Variants in SCAI observed in about 807,000 individuals in gnomAD.
SCAI encodes the protein suppressor of cancer cell invasion.
SCAI carries 24 observed loss-of-function variants against 92.2 expected under a neutral mutation model. That is an observed-to-expected ratio of 0.26 (90% CI 0.19 to 0.37). SCAI has a LOEUF of 0.37. SCAI is among the 10% of genes least tolerant of loss of function. The pLI, the probability that SCAI is intolerant of heterozygous loss-of-function variation, is 1.00. For synonymous variants in SCAI, 261 were observed against 258.6 expected (o/e 1.01, Z -0.09); for missense variants, 450 against 736.2 (o/e 0.61, Z 4.50).
At chr9:125,040,792 A>ATT (rs57170806) in intron 3 of SCAI, among the ~76,000 whole-genome samples, 52 of 142,860 alleles carry the variant, frequency 3.6e-4, no homozygotes, top group East Asian at 2.2e-3. Context: ...TGTCCAATTA[A>ATT]TTTTTTTTTT....
chr9:124,968,475 T>C, intron 17 of SCAI: 1 of 934,520 alleles, frequency 1.1e-6, no homozygotes, highest in Admixed American at 1.7e-5. Flanking sequence ...GATTTGCTTG[T>C]TTGGTGTCTG....
At chr9:124,970,598 T>C (rs112031341) in intron 17 of SCAI, among the ~76,000 whole-genome samples, 2,529 of 151,794 alleles carry the variant, frequency 0.017, 70 homozygotes, top group African/African-American at 0.059. Flanking sequence ...TGGGCGCCTA[T>C]AATCCCAGCT....
chr9:125,089,042 A>T (rs1371920521), intron 2 of SCAI, among the ~76,000 whole-genome samples: 1 of 152,228 alleles, frequency 6.6e-6, no homozygotes, highest in Non-Finnish European at 1.5e-5. Context: ...TAAGAAGCCC[A>T]GTGCTGATAT....
In SCAI at chr9:125,009,239, C is replaced by T. The variant is rs965119303; in HGVS notation, c.862-5669G>A. On this transcript the variant is annotated intron_variant, in intron 9 of 17. Transcript: ENST00000336505. Reference sequence around the variant, plus strand: ...TATGTAGAATAAAATTAAAGTAATGCTTAAAGAGAATTTTACAGCTTTGGA... The same window carrying T: ...TATGTAGAATAAAATTAAAGTAATGTTTAAAGAGAATTTTACAGCTTTGGA... 5.9e-5 allele frequency among the ~76,000 whole-genome samples: 9 copies of T among 152,114 alleles called. No homozygotes were observed. The South Asian group carries it at 1.0e-3, about 18-fold the overall frequency.
Position 125,003,479 on chromosome 9 carries a change from G to T in SCAI, c.953C>A (p.Pro318Gln), listed in dbSNP as rs1177518662. ...PMNLASQMNK[P>Q]GMQESADKPT... is the part of the protein sequence containing the mutation. ...AAAAGAGGAGATTACCTGCATTCCT[G>T]GTTTATTCATCTGGGAAGCTAAATT... is the stretch of plus-strand genomic sequence containing the variant. The change falls in exon 10 of 18, where the codon CCA (proline) becomes CAA (glutamine). Residue 318 changes from proline (P) to glutamine (Q), a missense_variant. Physicochemically the swap from Pro to Gln is moderately conservative, Grantham distance 76. Transcript: ENST00000336505. 2 of 1,606,730 alleles carry T rather than the reference G, an allele frequency of 1.2e-6. No homozygotes were observed. Among genetic ancestry groups the T allele is most frequent in the African/African-American group, 1.3e-5 (1 of 74,690 alleles).
chr9:124,990,746 A>C (rs1267103525), intron 14 of SCAI, among the ~76,000 whole-genome samples: 15 of 152,232 alleles, frequency 9.9e-5, no homozygotes, highest in Admixed American at 9.8e-4. Flanking sequence ...AAAAAACAAA[A>C]TAGCCAAAAA....
In SCAI at chr9:125,056,089, T is replaced by G. The variant is rs527998173; in HGVS notation, c.99-82A>C. 1.1e-4 allele frequency: 111 copies of G among 1,004,134 alleles called. No individual in the cohort carries two copies. The East Asian group carries it at 2.4e-3, about 22-fold the overall frequency. The allele number at this position is 1,004,134 out of a possible 1,614,324, so 62.2% of individuals were successfully genotyped here. A position where few individuals can be genotyped will look rare whatever the true frequency, so the allele number is the denominator to read the frequency against. On this transcript the variant is annotated intron_variant, in intron 2 of 17. Transcript: ENST00000336505. ...CCTTAGTTATATCATCTGATAGTAT[T>G]TTTTATCCAAGACAGATATAGAATT...
At chr9:125,073,254 G>C (rs972075784) in intron 2 of SCAI, among the ~76,000 whole-genome samples, 5 of 149,774 alleles carry the variant, frequency 3.3e-5, no homozygotes, top group Admixed American at 3.3e-4. Flanking sequence ...ACAGGCGCCC[G>C]CTACCACGCC....
chr9:125,025,077 C>T (rs992010653), intron 6 of SCAI, among the ~76,000 whole-genome samples: 1 of 152,178 alleles, frequency 6.6e-6, no homozygotes, highest in African/African-American at 2.4e-5. Flanking sequence ...GGTTTTCTCT[C>T]CTGGCTCTTG....
At chr9:125,088,942 T>C (rs976762670) in intron 2 of SCAI, among the ~76,000 whole-genome samples, 3 of 152,182 alleles carry the variant, frequency 2.0e-5, no homozygotes, top group Admixed American at 6.5e-5. Flanking sequence ...ACGCACTAGA[T>C]GCCAGTTGCA....
At chr9:124,988,026 G>A (rs1037254302) in intron 14 of SCAI, among the ~76,000 whole-genome samples, 1 of 150,842 alleles carries the variant, frequency 6.6e-6, no homozygotes. Flanking sequence ...AAGGATATAT[G>A]TATCTATAAA....
chr9:125,028,883 C>T (rs139916370), intron 4 of SCAI, among the ~76,000 whole-genome samples: 1,846 of 152,158 alleles, frequency 0.012, 91 homozygotes, highest in Admixed American at 0.082. Context: ...CTGCAACCTC[C>T]GCCTCTCAGG....
intron 6 of SCAI, among the ~76,000 whole-genome samples, chr9:125,023,382 C>T (rs1482437718): frequency 1.3e-5 from 2 of 152,116 alleles, no homozygotes. Flanking sequence ...TCCAGCATTT[C>T]TAGGTGTTTA....
chr9:124,999,990 C>T lies in SCAI; in HGVS notation c.1145G>A (p.Gly382Asp). ...AAGTACACCTCCAAAATCATAAGGACCTATAAAAACAAAGGGAAGAATCCT... is the reference window on the plus strand; with the variant it reads ...AAGTACACCTCCAAAATCATAAGGATCTATAAAAACAAAGGGAAGAATCCT... ...VFPTGRSDSE[G>D]PYDFGGVLTN... The change falls in exon 13 of 18, where the codon GGT becomes GAT. Residue 382 changes from glycine to aspartate, a missense_variant and splice_region_variant. Gly to Asp is a moderately conservative substitution (Grantham distance 94). Coordinates refer to ENST00000336505, the MANE Select transcript of SCAI (RefSeq NM_001144877.3). The T allele has an allele frequency of 6.8e-7, 1 of 1,472,834 alleles. No individual in the cohort carries two copies. The highest frequency in any genetic ancestry group is 9.3e-7 in the Non-Finnish European group (1 of 1,073,398). The allele number at this position is 1,472,834 out of a possible 1,614,324, so 91.2% of individuals were successfully genotyped here. A position where few individuals can be genotyped will look rare whatever the true frequency, so the allele number is the denominator to read the frequency against.
rs553040281 is a variant in SCAI at position 125,098,427 on chromosome 9, T to C, written c.99-42420A>G. On this transcript the variant is annotated intron_variant, in intron 2 of 17. Transcript: ENST00000336505. The stretch of plus-strand genomic sequence containing the variant: ...GGATGGTAAATCTGGATTACAATTA[T>C]AAAAGAGACTTAATAAAGCAGTGTA... Among the ~76,000 whole-genome samples, 8 of 152,200 alleles carry C rather than the reference T, an allele frequency of 5.3e-5. No individual in the cohort carries two copies. The East Asian group carries it at 1.5e-3, about 29-fold the overall frequency.
chr9:125,020,856 T>C, intron 6 of SCAI, 87 bp from the exon 7 acceptor site: 1 of 581,174 alleles, frequency 1.7e-6, no homozygotes, highest in Non-Finnish European at 3.0e-6. Context: ...TTTAAAACTC[T>C]TTCCCTCCTT....
rs116995046 is a variant in SCAI at position 125,100,712 on chromosome 9, C to A, written c.98+41921G>T. ...GGTGATAAGTGCTCTGGAGAAAAAG[C>A]AAGCAGACAAAGGGGACAAAGAGCT... On this transcript the variant is annotated intron_variant, in intron 2 of 17. Coordinates refer to ENST00000336505, the MANE Select transcript of SCAI (RefSeq NM_001144877.3). Among the ~76,000 whole-genome samples, 69 of 152,172 alleles carry A rather than the reference C, an allele frequency of 4.5e-4. 3 individuals are homozygous for A. The East Asian group carries it at 0.013, about 29-fold the overall frequency.
At position 125,138,622 on chromosome 9, in the gene SCAI, GC is replaced by G. The variant is rs370471641; in HGVS notation, c.98+4010del. Among the ~76,000 whole-genome samples, 13 of 152,202 alleles carry G rather than the reference GC, an allele frequency of 8.5e-5. 1 individual carries two copies. In the South Asian group the frequency reaches 2.7e-3, roughly 32 times the overall value. On this transcript the variant is annotated intron_variant, in intron 2 of 17. Coordinates refer to ENST00000336505, the MANE Select transcript of SCAI (RefSeq NM_001144877.3). Reference sequence around the variant, plus strand: ...GTAGAGACGTGGTTTCACTGTGTTAGCCAGGATGGTCTCGATCTCCTGACCT... The same window carrying G: ...GTAGAGACGTGGTTTCACTGTGTTAGCAGGATGGTCTCGATCTCCTGACCT...
chr9:125,051,389 T>G (rs1372349986), intron 3 of SCAI, among the ~76,000 whole-genome samples: 1 of 152,208 alleles, frequency 6.6e-6, no homozygotes, highest in African/African-American at 2.4e-5. Flanking sequence ...TGTGGTATAT[T>G]TGCTTATCCA....
Sources: gnomAD v4.1 joint callset for allele counts (sites outside exome capture counted in the v4.1 genomes callset) on GRCh38, gnomAD v4.1.1 for gene constraint, MANE v1.5 for transcripts, NCBI Gene and HGNC (gene_info 2026-07-23, HGNC 2026-07-21) for gene names.